The following CEP72 variants were observed in gnomAD, a reference collection of about 807,000 sequenced individuals.
CEP72 encodes centrosomal protein of 72 kDa.
Under a neutral mutation model 65.7 loss-of-function variants are expected in CEP72, and 78 were observed. The ratio of observed to expected loss-of-function variants is 1.19; its 90% CI spans 0.99 to 1.43. The LOEUF (loss-of-function observed/expected upper bound fraction) is 1.43, where lower values mean the gene tolerates loss of function less well. Ranked by LOEUF, CEP72 falls within the 40% of genes most tolerant of loss-of-function variation. The pLI is 0.00. For missense variants in CEP72, 914 were observed against 832.9 expected (o/e 1.10, Z -1.20); for synonymous variants, 358 against 351.7 (o/e 1.02, Z -0.20).
At chr5:635,182 G>A (rs916662146) in intron 5 of CEP72, among the ~76,000 whole-genome samples, 190 bp from the exon 6 acceptor site, 16 of 152,200 alleles carry the variant, frequency 1.1e-4, no homozygotes, top group African/African-American at 4.8e-5. Context: ...GGCGAGTGGC[G>A]CCAGTTCCCA....
chr5:642,456 C>T (rs1283113490), intron 9 of CEP72: 1 of 985,500 alleles, frequency 1.0e-6, no homozygotes, highest in African/African-American at 1.7e-5. Flanking sequence ...TGGGCGCCGT[C>T]ACTGATGATG....
rs534596522 is a variant in CEP72, at chr5:638,082, G to C, written c.1206+264G>C. The stretch of plus-strand genomic sequence containing the variant: ...GATAAAGGGAATCATCACACTTAGG[G>C]TTCCAGGGTGCTTGCTGCTGCGTTT... On this transcript the variant is annotated intron_variant, in intron 7 of 11. Transcript: ENST00000264935. 3.9e-5 allele frequency among the ~76,000 whole-genome samples: 6 copies of C among 152,350 alleles called. No homozygotes were observed. The East Asian group carries it at 7.7e-4, about 20-fold the overall frequency.
chr5:648,201 G>T (rs1218790899), intron 11 of CEP72, among the ~76,000 whole-genome samples: 1 of 150,794 alleles, frequency 6.6e-6, no homozygotes, highest in South Asian at 2.1e-4. Context: ...CACGAGGCAT[G>T]GACTGTGAGA....
At chr5:672,927 C>T in the CEP72 span, among the ~76,000 whole-genome samples, 4 of 152,226 alleles carry the variant, frequency 2.6e-5, no homozygotes, top group South Asian at 2.1e-4. Context: ...GCCATGGCAA[C>T]GAGGACTAAA....
downstream of CEP72, among the ~76,000 whole-genome samples, chr5:655,986 T>C (rs567027156): frequency 1.2e-4 from 18 of 152,380 alleles, no homozygotes; most frequent in African/African-American, 4.1e-4. The surrounding 1 kb of genome is among the most constrained non-coding windows in gnomAD (Gnocchi z 5.0). Context: ...TAATAATCTT[T>C]ACTTTGCCTT....
chr5:612,532 G>A (rs1202593549), intron 1 of CEP72, 89 bp downstream of exon 1: 2 of 1,305,404 alleles, frequency 1.5e-6, no homozygotes, highest in African/African-American at 1.5e-5. Flanking sequence ...CCGTGGGCAG[G>A]CGGGACCCGT....
downstream of CEP72, among the ~76,000 whole-genome samples, chr5:658,897 T>C (rs577451910): frequency 4.4e-4 from 67 of 152,282 alleles, no homozygotes; most frequent in Admixed American, 1.4e-3. Context: ...CTCAATCTCC[T>C]GACCTTGTGA....
chr5:613,285 G>A (rs1015491832), intron 1 of CEP72, among the ~76,000 whole-genome samples: 1 of 152,216 alleles, frequency 6.6e-6, no homozygotes, highest in Non-Finnish European at 1.5e-5. Context: ...GAGACAGTGG[G>A]GTTTGCAGCA....
intron 3 of CEP72, 131 bp downstream of exon 3, chr5:620,392 C>T (rs188009018): frequency 1.7e-5 from 13 of 774,668 alleles, no homozygotes; most frequent in East Asian, 1.6e-4. Context: ...TGGTTTTCTA[C>T]GCTGGTGGCT....
At chr5:654,626 G>T (rs905620470), downstream of CEP72, among the ~76,000 whole-genome samples, 4 of 152,220 alleles carry the variant, frequency 2.6e-5, no homozygotes, top group African/African-American at 7.2e-5. Flanking sequence ...TTTATTTTCT[G>T]TAGGGTTGGG....
At chr5:661,515 C>CAAAT (rs1312276559), downstream of CEP72, 1 of 152,410 alleles carries the variant, frequency 6.6e-6, no homozygotes, top group African/African-American at 2.4e-5. Context: ...TTGTTATTCA[C>CAAAT]AAATACACAT....
intron 11 of CEP72, among the ~76,000 whole-genome samples, chr5:649,712 AG>A (rs1210075539): frequency 1.7e-5 from 1 of 59,234 alleles, no homozygotes; most frequent in Non-Finnish European, 3.0e-5. Flanking sequence ...GTGGACTGTG[AG>A]GGGTGACCGT....
intron 11 of CEP72, among the ~76,000 whole-genome samples, chr5:649,480 CTGTGAGGT>C (rs1396028318): frequency 4.3e-5 from 3 of 69,768 alleles, no homozygotes; most frequent in African/African-American, 1.3e-4. Context: ...TGAGGTGTGA[CTGTGAGGT>C]GTGGACTGTG....
rs768496788 is a variant in CEP72 at position 612,351 on chromosome 5, C to T, written c.-11C>T. ...GCCGCGCAGGCGCCGTCCGAGGGCT[C>T]CGTTTGAAACATGGCGCGGGCTGGC... On this transcript the variant is annotated 5_prime_UTR_variant, in exon 1 of 12. Coordinates refer to ENST00000264935, the MANE Select transcript of CEP72 (RefSeq NM_018140.4). 1 of 1,486,348 alleles carries T rather than the reference C, an allele frequency of 6.7e-7. No individual in the cohort carries two copies. The highest frequency in any genetic ancestry group is 1.3e-5 in the South Asian group (1 of 79,296). The allele number at this position is 1,486,348 out of a possible 1,614,324, so 92.1% of individuals were successfully genotyped here.
At chr5:625,589 C>T (rs963513818) in intron 4 of CEP72, among the ~76,000 whole-genome samples, 3 of 152,252 alleles carry the variant, frequency 2.0e-5, no homozygotes, top group South Asian at 2.1e-4. Context: ...CCAGTGTCTC[C>T]GAAATGGCTC....
intron 11 of CEP72, among the ~76,000 whole-genome samples, chr5:649,228 C>A (rs1354690464): frequency 3.9e-4 from 35 of 90,244 alleles, no homozygotes; most frequent in African/African-American, 1.8e-3. Flanking sequence ...TGAGGTGTGA[C>A]TGTGAGGTGT....
intron 4 of CEP72, among the ~76,000 whole-genome samples, chr5:625,430 G>A (rs1469027510): frequency 6.6e-6 from 1 of 152,234 alleles, no homozygotes; most frequent in Non-Finnish European, 1.5e-5. Context: ...CCTGGAGGCT[G>A]CGTGACCTCT....
chr5:651,915 C>G (rs1056234586), intron 11 of CEP72, among the ~76,000 whole-genome samples: 1 of 151,396 alleles, frequency 6.6e-6, no homozygotes, highest in Non-Finnish European at 1.5e-5. Flanking sequence ...TACCTGGGTT[C>G]GACCACAGTC....
At chr5:672,924 C>G in the CEP72 span, among the ~76,000 whole-genome samples, 1 of 152,240 alleles carries the variant, frequency 6.6e-6, no homozygotes, top group Admixed American at 6.5e-5. Context: ...GCTGCCATGG[C>G]AACGAGGACT....
Sources: gnomAD v4.1 joint callset for allele counts (sites outside exome capture counted in the v4.1 genomes callset) on GRCh38, gnomAD v4.1.1 for gene constraint, Gnocchi (gnomAD v3.1) non-coding constraint, MANE v1.5 for transcripts, NCBI Gene and HGNC (gene_info 2026-07-23, HGNC 2026-07-21) for gene names.